Variants in CELF2 observed in about 807,000 individuals in gnomAD.
CELF2 encodes CUGBP Elav-like family member 2.
Under a neutral mutation model 62.6 loss-of-function variants are expected in CELF2, and 8 were observed. That is an observed-to-expected ratio of 0.13 (90% CI 0.07 to 0.23). The LOEUF (loss-of-function observed/expected upper bound fraction) is 0.23, where lower values mean the gene tolerates loss of function less well. Among genes scored for constraint, CELF2 ranks in the 10% least tolerant of loss-of-function variants. The pLI is 1.00. For synonymous variants in CELF2, 258 were observed against 250.0 expected (o/e 1.03, Z -0.30); for missense variants, 333 against 671.0 (o/e 0.50, Z 5.56).
At chr10:10,620,901 G>C in the CELF2 span, among the ~76,000 whole-genome samples, 1 of 103,296 alleles carries the variant, frequency 9.7e-6, no homozygotes. Context: ...CTGGGTGACA[G>C]AGCGAGACCC....
At chr10:10,527,964 C>T in the CELF2 span, among the ~76,000 whole-genome samples, 2 of 152,158 alleles carry the variant, frequency 1.3e-5, no homozygotes, top group Admixed American at 6.5e-5. Context: ...CTTTTCCACA[C>T]ATTACTTCAT....
At chr10:10,798,633 G>A (rs2054314121) in exon 1 of CELF2, 2 of 397,538 alleles carry the variant, frequency 5.0e-6, no homozygotes, top group Non-Finnish European at 8.9e-6. Flanking sequence ...CAGGAAAAGT[G>A]CGTGTCAGCC....
At chr10:11,105,695 C>A (rs1201185984) in intron 1 of CELF2, among the ~76,000 whole-genome samples, 1 of 152,234 alleles carries the variant, frequency 6.6e-6, no homozygotes, top group African/African-American at 2.4e-5. Context: ...TTAGCCAGGT[C>A]ATTCTGCAGC....
At chr10:10,525,983 G>A in the CELF2 span, among the ~76,000 whole-genome samples, 3 of 152,268 alleles carry the variant, frequency 2.0e-5, no homozygotes, top group African/African-American at 4.8e-5. Flanking sequence ...TTCTGCCAAC[G>A]TGTGTTGTCT....
At position 10,821,428 on chromosome 10, in the gene CELF2, G is replaced by A. The variant is rs546994431; in HGVS notation, c.53+22611G>A. Among the ~76,000 whole-genome samples the A allele has an allele frequency of 9.8e-5, 15 of 152,308 alleles. No homozygotes were observed. In the East Asian group the frequency reaches 2.3e-3, roughly 24 times the overall value. On this transcript the variant is annotated intron_variant, in intron 1 of 13. Transcript: ENST00000636488. ...GACAGAGGTTTGAAGTCACCAGTGG[G>A]TCATTGCCTCTCCCTGCCATGTGTA...
chr10:11,333,449 G>A lies in CELF2; in HGVS notation c.*4396G>A, dbSNP rs750783333. On this transcript the variant is annotated 3_prime_UTR_variant, in exon 13 of 13. Transcript: ENST00000633077. ...CAATGGCAGTCCTCAAAGGCGTAACGAGTTCATCTTTCTTTCACCATAGGG... is the reference window on the plus strand; with the variant it reads ...CAATGGCAGTCCTCAAAGGCGTAACAAGTTCATCTTTCTTTCACCATAGGG... The A allele has an allele frequency of 3.9e-5, 6 of 152,474 alleles. No homozygotes were observed. Among genetic ancestry groups the A allele is most frequent in the South Asian group, 2.1e-4 (1 of 4,822 alleles). The allele number at this position is 152,474 out of a possible 1,614,324, so 9.4% of individuals were successfully genotyped here. A position where few individuals can be genotyped will look rare whatever the true frequency, so the allele number is the denominator to read the frequency against.
chr10:10,505,583 A>G, the CELF2 span, among the ~76,000 whole-genome samples: 74 of 152,166 alleles, frequency 4.9e-4, no homozygotes, highest in African/African-American at 1.7e-3. Flanking sequence ...TTAACGTTCT[A>G]GCTCTCTACT....
chr10:10,683,888 T>A, the CELF2 span, among the ~76,000 whole-genome samples: 3 of 152,178 alleles, frequency 2.0e-5, no homozygotes, highest in African/African-American at 7.2e-5. Context: ...GCAAAAGTCG[T>A]CAGGCAAGAG....
chr10:10,595,729 C>G, the CELF2 span, among the ~76,000 whole-genome samples: 2 of 152,086 alleles, frequency 1.3e-5, no homozygotes, highest in African/African-American at 4.8e-5. Flanking sequence ...ACCCCCATCT[C>G]TACAAAAAAT....
At chr10:10,962,068 A>T (rs922600318) in intron 2 of CELF2, among the ~76,000 whole-genome samples, 10 of 151,630 alleles carry the variant, frequency 6.6e-5, no homozygotes, top group African/African-American at 2.4e-4. Context: ...CATCTCTACA[A>T]AAAAAGAAAA....
At chr10:11,112,541 C>T (rs1311481305) in intron 1 of CELF2, among the ~76,000 whole-genome samples, 1 of 152,208 alleles carries the variant, frequency 6.6e-6, no homozygotes, top group East Asian at 1.9e-4. Flanking sequence ...GGTGCTTCAG[C>T]TTTCCAACTG....
In CELF2 at chr10:11,332,888, C is replaced by T. The variant is rs1181337621; in HGVS notation, c.*3835C>T. On this transcript the variant is annotated 3_prime_UTR_variant, in exon 13 of 13. Transcript: ENST00000633077. ...GAGGGCTATTTTGTACTTTCTGCAG[C>T]AATCAGCTTAATAACAACACTTATT... 6.6e-6 allele frequency: 1 copy of T among 152,608 alleles called. No individual in the cohort carries two copies. Among genetic ancestry groups the T allele is most frequent in the Non-Finnish European group, 1.5e-5 (1 of 68,044 alleles). 9.5% of individuals were successfully genotyped at this position (152,608 alleles called of 1,614,324 possible).
chr10:10,866,653 CA>C (rs1322941142), intron 1 of CELF2, among the ~76,000 whole-genome samples: 41 of 145,422 alleles, frequency 2.8e-4, no homozygotes, highest in African/African-American at 9.9e-4. Flanking sequence ...AGGTTTCGTG[CA>C]GCTAATAAAA....
the CELF2 span, among the ~76,000 whole-genome samples, chr10:10,544,362 G>A: frequency 5.9e-5 from 9 of 152,216 alleles, no homozygotes; most frequent in Non-Finnish European, 8.8e-5. Context: ...TGCACCACCC[G>A]GCAAGGGTAA....
In CELF2 at chr10:11,335,321, A is replaced by C. The variant is rs1002338918; in HGVS notation, c.*6268A>C. ...CGTCGATGTTTGCTCCCTCTGTCTT[A>C]TCTCTCCTTCCAGTATTTTCAGACG... On this transcript the variant is annotated 3_prime_UTR_variant, in exon 13 of 13. Coordinates refer to ENST00000633077, the MANE Select transcript of CELF2 (RefSeq NM_001326342.2). This position sits in a 1 kb window ranked among gnomAD's most constrained non-coding sequence, Gnocchi z 5.0. 2.0e-5 allele frequency: 3 copies of C among 152,336 alleles called. No homozygotes were observed. The highest frequency in any genetic ancestry group is 4.8e-5 in the African/African-American group (2 of 41,440). The allele number at this position is 152,336 out of a possible 1,614,324, so 9.4% of individuals were successfully genotyped here. A position where few individuals can be genotyped will look rare whatever the true frequency, so the allele number is the denominator to read the frequency against.
At chr10:11,295,140 G>A (rs576300853) in intron 9 of CELF2, among the ~76,000 whole-genome samples, 1 of 152,098 alleles carries the variant, frequency 6.6e-6, no homozygotes, top group East Asian at 1.9e-4. Flanking sequence ...AATGTTAATG[G>A]AGTCACACAT....
chr10:11,056,934 T>C (rs1010548193), intron 1 of CELF2, among the ~76,000 whole-genome samples: 2 of 152,192 alleles, frequency 1.3e-5, no homozygotes, highest in Admixed American at 1.3e-4. Context: ...TCCCACGCCA[T>C]GTTCAACCTT....
the CELF2 span, among the ~76,000 whole-genome samples, chr10:10,625,447 G>C: frequency 1.3e-5 from 2 of 152,172 alleles, no homozygotes; most frequent in African/African-American, 2.4e-5. Flanking sequence ...GCAACACTGC[G>C]TATCTCTGAA....
intron 10 of CELF2, chr10:11,317,931 A>G (rs1039590303): frequency 2.0e-5 from 3 of 152,202 alleles, no homozygotes; most frequent in Non-Finnish European, 4.4e-5. Context: ...TGGAGATGAT[A>G]ATAATAATAA....
Sources: allele counts gnomAD v4.1 joint callset (sites outside exome capture counted in the v4.1 genomes callset), GRCh38; gene constraint gnomAD v4.1.1; non-coding constraint Gnocchi (gnomAD v3.1); transcripts MANE v1.5; gene names NCBI Gene and HGNC (gene_info 2026-07-23, HGNC 2026-07-21).